WIPI1: variants seen among roughly 807,000 people sequenced by gnomAD.
WIPI1 encodes WD repeat domain, phosphoinositide interacting 1.
A neutral mutation model predicts 55.3 loss-of-function variants in WIPI1; 45 were observed. The ratio of observed to expected loss-of-function variants is 0.81; its 90% CI spans 0.64 to 1.04. The LOEUF is 1.04. Ranked by LOEUF, WIPI1 falls within the 50% of genes least tolerant of loss-of-function variation. WIPI1 has a pLI of 0.00. For synonymous variants in WIPI1, 195 were observed against 217.6 expected, an observed-to-expected ratio of 0.90 and a Z score of 0.92; for missense variants, 445 against 559.0, an observed-to-expected ratio of 0.80 and a Z score of 2.06.
intron 7 of WIPI1, among the ~76,000 whole-genome samples, 196 bp from the exon 8 acceptor site, chr17:68,433,771 T>TGTTTG (rs1399188195): frequency 0.021 from 448 of 21,368 alleles, 6 homozygotes; most frequent in African/African-American, 0.048. Context: ...TTTTTTTTTT[T>TGTTTG]TTTTTTTTTT....
chr17:68,433,390 G>A, intron 8 of WIPI1, 78 bp downstream of exon 8: 4 of 1,272,176 alleles, frequency 3.1e-6, no homozygotes, highest in Non-Finnish European at 4.6e-6. Flanking sequence ...AAAGAAAAGA[G>A]ATCATTCATG....
chr17:68,456,753 G>C (rs1480940461), intron 1 of WIPI1, among the ~76,000 whole-genome samples: 1 of 152,150 alleles, frequency 6.6e-6, no homozygotes, highest in Non-Finnish European at 1.5e-5. Context: ...GAAATCCAAA[G>C]GTTTCTTCCA....
chr17:68,450,234 C>A (rs376415110), intron 3 of WIPI1, among the ~76,000 whole-genome samples: 1 of 152,160 alleles, frequency 6.6e-6, no homozygotes, highest in African/African-American at 2.4e-5. Context: ...GAATAGCAGA[C>A]CTTCCAGGAG....
chr17:68,427,081 G>T, intron 11 of WIPI1, 54 bp downstream of exon 11: 1 of 1,451,188 alleles, frequency 6.9e-7, no homozygotes, highest in Non-Finnish European at 9.7e-7. Flanking sequence ...GCAGGGAGAA[G>T]GGGAGGGAGG....
At chr17:68,442,264 G>A (rs2084109572) in intron 4 of WIPI1, among the ~76,000 whole-genome samples, 2 of 152,066 alleles carry the variant, frequency 1.3e-5, no homozygotes. Context: ...AGGAGTTCAA[G>A]ACCAGCCTGG....
At chr17:68,439,072 T>C (rs942200081) in intron 4 of WIPI1, among the ~76,000 whole-genome samples, 2 of 152,232 alleles carry the variant, frequency 1.3e-5, no homozygotes, top group Non-Finnish European at 2.9e-5. Context: ...CTGGAACGTT[T>C]AGCAGTTCTT....
intron 1 of WIPI1, among the ~76,000 whole-genome samples, chr17:68,454,772 G>GAAATACTGT (rs1469986467): frequency 9.9e-5 from 15 of 152,212 alleles, no homozygotes; most frequent in Non-Finnish European, 1.5e-5. Context: ...AGTAAGGAAA[G>GAAATACTGT]AAATACTGTA....
At chr17:68,428,959 A>C in intron 9 of WIPI1, 23 bp from the exon 10 acceptor site, 1 of 1,576,454 alleles carries the variant, frequency 6.3e-7, no homozygotes, top group Non-Finnish European at 8.7e-7. Flanking sequence ...GAAAACATAA[A>C]CCGTGATGAC....
At chr17:68,456,732 A>C (rs2084653826) in intron 1 of WIPI1, among the ~76,000 whole-genome samples, 1 of 152,142 alleles carries the variant, frequency 6.6e-6, no homozygotes, top group Non-Finnish European at 1.5e-5. Context: ...GGCGATGTGA[A>C]AACAGCCAAA....
chr17:68,433,431 C>G, intron 8 of WIPI1, 37 bp downstream of exon 8: 2 of 1,574,582 alleles, frequency 1.3e-6, no homozygotes, highest in Non-Finnish European at 1.7e-6. Context: ...TGACTCCTTT[C>G]GTTTAATGAG....
At chr17:68,428,557 C>G (rs1389439593) in intron 10 of WIPI1, 4 of 314,484 alleles carry the variant, frequency 1.3e-5, no homozygotes, top group Non-Finnish European at 1.8e-5. Context: ...TGAACACCCA[C>G]TGTGAGCTCA....
At chr17:68,426,470 G>A (rs1378471763) in intron 11 of WIPI1, among the ~76,000 whole-genome samples, 2 of 151,970 alleles carry the variant, frequency 1.3e-5, no homozygotes, top group Admixed American at 6.6e-5. Context: ...TGAGCCTAAG[G>A]GATCCTTCTG....
At position 68,421,655 on chromosome 17, in the gene WIPI1, C is replaced by G; in HGVS notation, c.*118G>C. 1.4e-5 allele frequency: 20 copies of G among 1,442,894 alleles called. No homozygotes were observed. The highest frequency in any genetic ancestry group is 1.9e-5 in the Non-Finnish European group (20 of 1,031,020). The allele number at this position is 1,442,894 out of a possible 1,614,324, so 89.4% of individuals were successfully genotyped here. A position where few individuals can be genotyped will look rare whatever the true frequency, so the allele number is the denominator to read the frequency against. ...GTCCTGTGGTTTAAGCAGTGGAGCA[C>G]CCGGGATTCCTGCCCCCCTTTCTGC... On this transcript the variant is annotated 3_prime_UTR_variant, in exon 13 of 13. Transcript: ENST00000262139.
chr17:68,456,629 A>G (rs2084650714), intron 1 of WIPI1, among the ~76,000 whole-genome samples: 1 of 152,148 alleles, frequency 6.6e-6, no homozygotes, highest in Non-Finnish European at 1.5e-5. Flanking sequence ...CTCAAAAACA[A>G]CAGGGTGGAG....
In WIPI1 at chr17:68,434,066, G is replaced by A. The variant is rs113494773; in HGVS notation, c.692+490C>T. Among the ~76,000 whole-genome samples the A allele has an allele frequency of 6.2e-3, 941 of 152,064 alleles. 12 individuals are homozygous for A. The highest frequency in any genetic ancestry group is 0.021 in the African/African-American group (890 of 41,466). On this transcript the variant is annotated intron_variant, in intron 7 of 12. Transcript: ENST00000262139. ...ATTACAGACGTGAGCCACCGCGCCCGGCCCATAGTCTTATTTATGTGAGAA... is the reference window on the plus strand; with the variant it reads ...ATTACAGACGTGAGCCACCGCGCCCAGCCCATAGTCTTATTTATGTGAGAA...
chr17:68,422,883 C>T lies in WIPI1; in HGVS notation c.1294-1063G>A, dbSNP rs538772803. On this transcript the variant is annotated intron_variant, in intron 12 of 12. Transcript: ENST00000262139. ...CTGAAACAAAAGCTTCTCATCCTCC[C>T]GAATGTAGCAGCTTTCTAAGGCACC... Among the ~76,000 whole-genome samples, 6 of 152,178 alleles carry T rather than the reference C, an allele frequency of 3.9e-5. No individual in the cohort carries two copies. In the East Asian group the frequency reaches 5.8e-4, roughly 15 times the overall value.
At chr17:68,435,206 CAA>C (rs35370218) in intron 6 of WIPI1, among the ~76,000 whole-genome samples, 3 of 139,198 alleles carry the variant, frequency 2.2e-5, no homozygotes, top group African/African-American at 2.7e-5. Context: ...GACTCCACCT[CAA>C]AAAAAAAAAA....
intron 8 of WIPI1, 101 bp from the exon 9 acceptor site, chr17:68,430,261 A>G: frequency 8.3e-7 from 1 of 1,208,672 alleles, no homozygotes; most frequent in Non-Finnish European, 1.2e-6. Context: ...TCCCCGCAGC[A>G]GGGAGAGACT....
At chr17:68,454,772 G>A (rs977369448) in intron 1 of WIPI1, among the ~76,000 whole-genome samples, 5 of 152,212 alleles carry the variant, frequency 3.3e-5, no homozygotes, top group Non-Finnish European at 5.9e-5. Context: ...AGTAAGGAAA[G>A]AAATACTGTA....
Sources: gnomAD v4.1 joint callset for allele counts (sites outside exome capture counted in the v4.1 genomes callset) on GRCh38, gnomAD v4.1.1 for gene constraint, MANE v1.5 for transcripts, NCBI Gene and HGNC (gene_info 2026-07-23, HGNC 2026-07-21) for gene names.